RASSF3: variants seen among roughly 807,000 people sequenced by gnomAD.
RASSF3 encodes ras association domain-containing protein 3.
Under a neutral mutation model 19.9 loss-of-function variants are expected in RASSF3, and 19 were observed. The ratio of observed to expected loss-of-function variants is 0.96; its 90% CI spans 0.67 to 1.40. RASSF3 has a LOEUF of 1.40. Ranked by LOEUF, RASSF3 falls within the 40% of genes most tolerant of loss-of-function variation. The probability of loss-of-function intolerance (pLI) is 0.00; values close to 1 mark genes in which losing one functional copy is unlikely to be tolerated. For missense variants in RASSF3, 306 were observed against 289.8 expected (o/e 1.06, Z -0.41); for synonymous variants, 110 against 104.2 (o/e 1.06, Z -0.34).
At chr12:64,649,691 TTTCCAAAGTCGTCATGCTTAACAC>T (rs1185351933) in intron 1 of RASSF3, among the ~76,000 whole-genome samples, 19 of 152,328 alleles carry the variant, frequency 1.2e-4, no homozygotes, top group African/African-American at 4.3e-4. Context: ...AAAGATCTTG[TTTCCAAAGTCGTCATGCTTAACAC>T]TTCCAAAACA....
At chr12:64,550,476 C>A (rs993685971) in intron 2 of RASSF3, among the ~76,000 whole-genome samples, 7 of 151,906 alleles carry the variant, frequency 4.6e-5, no homozygotes, top group African/African-American at 1.7e-4. Flanking sequence ...ACCAGCCTGG[C>A]CAACGTGGCG....
intron 1 of RASSF3, chr12:64,541,565 G>A (rs1012754101): frequency 2.0e-5 from 8 of 398,364 alleles, no homozygotes; most frequent in East Asian, 1.4e-4. Flanking sequence ...GGAACCTAAC[G>A]TGCTTTCTCT....
At chr12:64,570,131 C>T (rs1212976308) in intron 2 of RASSF3, among the ~76,000 whole-genome samples, 2 of 152,172 alleles carry the variant, frequency 1.3e-5, no homozygotes, top group African/African-American at 4.8e-5. Flanking sequence ...GACCTTGGCT[C>T]ACTCAGACTT....
chr12:64,677,566 T>C (rs1279173046), intron 1 of RASSF3, among the ~76,000 whole-genome samples: 1 of 152,190 alleles, frequency 6.6e-6, no homozygotes, highest in African/African-American at 2.4e-5. Context: ...TGAGACACCA[T>C]GCTTGGTGAC....
intron 1 of RASSF3, among the ~76,000 whole-genome samples, chr12:64,641,985 G>A (rs576130674): frequency 2.1e-3 from 324 of 152,016 alleles, no homozygotes; most frequent in African/African-American, 7.4e-3. Context: ...CAGGTGATCC[G>A]CCTATCTTGG....
chr12:64,610,669 G>A lies in RASSF3; in HGVS notation c.37G>A (p.Glu13Lys), dbSNP rs1312922896. Residue 13 changes from glutamate to lysine, a missense_variant, in exon 1 of 5, where the codon GAG (glutamate) becomes AAG (lysine). Transcript: ENST00000542104. The stretch of plus-strand genomic sequence containing the variant: ...CTACAGCAGCCTGGAGGAGGACGCC[G>A]AGGACTTCTTCTTCACCGCCAGGAC... ...SGYSSLEEDA[E>K]DFFFTARTSF... The A allele has an allele frequency of 6.3e-7, 1 of 1,592,286 alleles. No homozygotes were observed. Among genetic ancestry groups the A allele is most frequent in the African/African-American group, 1.4e-5 (1 of 71,922 alleles).
At chr12:64,677,974 A>G (rs570018914) in intron 1 of RASSF3, among the ~76,000 whole-genome samples, 12 of 152,172 alleles carry the variant, frequency 7.9e-5, no homozygotes, top group Admixed American at 7.9e-4. Flanking sequence ...CTTCATTGCA[A>G]ACCTGCTTTG....
At chr12:64,600,136 A>G (rs754914018) in intron 2 of RASSF3, among the ~76,000 whole-genome samples, 2 of 151,868 alleles carry the variant, frequency 1.3e-5, no homozygotes, top group Non-Finnish European at 2.9e-5. Context: ...GGTCTTTTCT[A>G]GAAAAAATAT....
intron 2 of RASSF3, among the ~76,000 whole-genome samples, chr12:64,585,755 C>T (rs1869785477): frequency 6.6e-6 from 1 of 152,000 alleles, no homozygotes; most frequent in Non-Finnish European, 1.5e-5. Flanking sequence ...TAGGCATGTG[C>T]CAGCAAGCCT....
rs1262511125 is a variant in RASSF3 at position 64,696,110 on chromosome 12, C to CCTCT, written c.*1201_*1202insTCTC. On this transcript the variant is annotated 3_prime_UTR_variant, in exon 5 of 5. Coordinates refer to ENST00000542104, the MANE Select transcript of RASSF3 (RefSeq NM_178169.4). Reference sequence around the variant, plus strand: ...TCCTCCCTCCCTCCCTCCCTCCCTCCCTCCCTCCCTCCTTCCCTCCCTCTC... The same window carrying CCTCT: ...TCCTCCCTCCCTCCCTCCCTCCCTCCCTCTCTCCCTCCCTCCTTCCCTCCCTCTC... The CCTCT allele has an allele frequency of 9.9e-6, 1 of 101,350 alleles. No individual in the cohort carries two copies. The highest frequency in any genetic ancestry group is 3.7e-5 in the African/African-American group (1 of 27,380). The allele number at this position is 101,350 out of a possible 1,614,324, so 6.3% of individuals were successfully genotyped here. A position where few individuals can be genotyped will look rare whatever the true frequency, so the allele number is the denominator to read the frequency against.
intron 1 of RASSF3, among the ~76,000 whole-genome samples, chr12:64,615,072 G>A (rs1249093821): frequency 2.6e-5 from 4 of 152,132 alleles, no homozygotes; most frequent in South Asian, 2.1e-4. Flanking sequence ...GTGGATTCAC[G>A]TATTTGTGGA....
chr12:64,520,803 C>G (rs1027432905), intron 1 of RASSF3, among the ~76,000 whole-genome samples: 1 of 151,716 alleles, frequency 6.6e-6, no homozygotes, highest in Non-Finnish European at 1.5e-5. Flanking sequence ...TTGGTACAGC[C>G]CCTGGGGAGT....
rs34522445 is a variant in RASSF3, at chr12:64,584,879, C to CTTTTTTT, written c.294+43191_294+43197dup. Among the ~76,000 whole-genome samples, 32 of 80,818 alleles carry CTTTTTTT rather than the reference C, an allele frequency of 4.0e-4. 1 individual carries two copies. The highest frequency in any genetic ancestry group is 6.8e-4 in the African/African-American group (14 of 20,496). 53.0% of individuals were successfully genotyped at this position (80,818 alleles called of 152,430 possible). A position where few individuals can be genotyped will look rare whatever the true frequency, so the allele number is the denominator to read the frequency against. On this transcript the variant is annotated intron_variant, in intron 2 of 5. Transcript: ENST00000637125. ...CACCCTGGAAAAGCACAGAAGGATT[C>CTTTTTTT]TTTTTTTTTTTTTTTTTTTTTTTGA...
At chr12:64,569,684 A>G (rs150472856) in intron 2 of RASSF3, among the ~76,000 whole-genome samples, 595 of 152,218 alleles carry the variant, frequency 3.9e-3, no homozygotes, top group African/African-American at 0.013. Context: ...TACATCTTTA[A>G]GCTGGGCGCA....
intron 2 of RASSF3, among the ~76,000 whole-genome samples, chr12:64,557,127 G>A (rs1014635870): frequency 3.9e-5 from 6 of 151,958 alleles, no homozygotes; most frequent in Admixed American, 2.6e-4. Context: ...ATGAGCCACC[G>A]TGCCCAGCTT....
intron 1 of RASSF3, among the ~76,000 whole-genome samples, chr12:64,624,367 C>A (rs1870910453): frequency 6.6e-6 from 1 of 151,780 alleles, no homozygotes; most frequent in African/African-American, 2.4e-5. Flanking sequence ...TGTAGGGCAC[C>A]CTGTGTTTAA....
chr12:64,664,397 A>G (rs1287360715), intron 1 of RASSF3, among the ~76,000 whole-genome samples: 1 of 152,210 alleles, frequency 6.6e-6, no homozygotes, highest in Non-Finnish European at 1.5e-5. Flanking sequence ...TTTGGGAAAA[A>G]TATACATATC....
chr12:64,651,872 C>T (rs1871968151), intron 1 of RASSF3, among the ~76,000 whole-genome samples: 1 of 152,104 alleles, frequency 6.6e-6, no homozygotes, highest in Non-Finnish European at 1.5e-5. Flanking sequence ...CCATGTTGCC[C>T]AGGCTGTTCT....
At chr12:64,544,334 G>A (rs1238556854), downstream of RASSF3, among the ~76,000 whole-genome samples, 1 of 152,036 alleles carries the variant, frequency 6.6e-6, no homozygotes. Context: ...GCGAGACCAC[G>A]AACCAACCAG....
Sources: allele counts gnomAD v4.1 joint callset (sites outside exome capture counted in the v4.1 genomes callset), GRCh38; gene constraint gnomAD v4.1.1; transcripts MANE v1.5; gene names NCBI Gene and HGNC (gene_info 2026-07-23, HGNC 2026-07-21).